TEC: variants seen among roughly 807,000 people sequenced by gnomAD.
TEC encodes tyrosine-protein kinase Tec.
A neutral mutation model predicts 93.0 loss-of-function variants in TEC; 72 were observed. The ratio of observed to expected loss-of-function variants is 0.77; its 90% confidence interval spans 0.64 to 0.94. The LOEUF (loss-of-function observed/expected upper bound fraction) is 0.94, where lower values mean the gene tolerates loss of function less well. TEC is among the 40% of genes least tolerant of loss of function. The pLI, the probability that TEC is intolerant of heterozygous loss-of-function variation, is 0.00. For missense variants in TEC, 630 were observed against 757.9 expected (o/e 0.83, Z 1.98); for synonymous variants, 249 against 247.7 (o/e 1.01, Z -0.05).
chr4:48,205,610 G>A (rs550925385), intron 2 of TEC, among the ~76,000 whole-genome samples: 80 of 152,194 alleles, frequency 5.3e-4, no homozygotes, highest in African/African-American at 1.8e-3. Context: ...GTTGCTCAAT[G>A]GTATTAGCCA....
At chr4:48,251,124 A>G (rs1724187773) in intron 1 of TEC, among the ~76,000 whole-genome samples, 1 of 152,154 alleles carries the variant, frequency 6.6e-6, no homozygotes, top group African/African-American at 2.4e-5. Flanking sequence ...CGCCTACCCA[A>G]TGCACTTAAA....
chr4:48,210,934 A>G (rs1299218901), intron 2 of TEC, among the ~76,000 whole-genome samples: 8 of 152,224 alleles, frequency 5.3e-5, no homozygotes, highest in South Asian at 4.1e-4. Flanking sequence ...TACCTTATGT[A>G]TATAATAATA....
At chr4:48,263,646 G>A (rs1376974779) in intron 1 of TEC, among the ~76,000 whole-genome samples, 1 of 151,976 alleles carries the variant, frequency 6.6e-6, no homozygotes, top group East Asian at 1.9e-4. Flanking sequence ...CCCAGGAGCT[G>A]AGATCATGCC....
chr4:48,157,905 C>A (rs1720468785), intron 8 of TEC, among the ~76,000 whole-genome samples: 1 of 152,202 alleles, frequency 6.6e-6, no homozygotes, highest in African/African-American at 2.4e-5. Flanking sequence ...TCTCTACTTT[C>A]CCCAGCATAA....
chr4:48,213,002 T>C (rs2664038), intron 2 of TEC, among the ~76,000 whole-genome samples: 95,131 of 152,074 alleles, frequency 0.63, 29,906 homozygotes, highest in Admixed American at 0.68. Flanking sequence ...AAATAAAAGA[T>C]ACTTCTACCA....
At chr4:48,261,138 C>T (rs1422618385) in intron 1 of TEC, among the ~76,000 whole-genome samples, 1 of 152,106 alleles carries the variant, frequency 6.6e-6, no homozygotes, top group East Asian at 1.9e-4. Flanking sequence ...GCTAGGACTC[C>T]AGAACTTATG....
At chr4:48,151,018 T>G in intron 9 of TEC, 76 bp from the exon 10 acceptor site, 1 of 922,824 alleles carries the variant, frequency 1.1e-6, no homozygotes, top group Non-Finnish European at 1.6e-6. Flanking sequence ...CTAAAGAACC[T>G]AATATTATAA....
rs894500072 is a variant in TEC, at chr4:48,171,400, C to T, written c.293G>A (p.Ser98Asn). 1.2e-6 allele frequency: 2 copies of T among 1,613,724 alleles called. No individual in the cohort carries two copies. The highest frequency in any genetic ancestry group is 2.2e-5 in the East Asian group (1 of 44,848). Residue 98 changes from serine (S) to asparagine (N), a missense_variant, in exon 4 of 18, where the codon AGC (serine) becomes AAC (asparagine). Physicochemically the swap from Ser to Asn is conservative, Grantham distance 46 (BLOSUM62 1). Around this residue, in one of 3 missense-constraint regions of TEC, gnomAD observed 335 missense variants for 351.5 expected, o/e 0.95. Coordinates refer to ENST00000381501, the MANE Select transcript of TEC (RefSeq NM_003215.3). ...TLYIFAPSPQ[S>N]RDLWVKKLKE... ...TAACTTCTTCACCCACAGGTCCCTG[C>T]TTTGTGGACTAGGTGCAAAAATGTA...
intron 1 of TEC, among the ~76,000 whole-genome samples, chr4:48,232,055 AAGGCAGG>A (rs1214180923): frequency 1.3e-5 from 2 of 152,120 alleles, no homozygotes; most frequent in Non-Finnish European, 2.9e-5. Flanking sequence ...TTGGGAGACC[AAGGCAGG>A]AGGATCACTT....
At chr4:48,236,774 A>G (rs1373240981) in intron 1 of TEC, among the ~76,000 whole-genome samples, 1 of 152,230 alleles carries the variant, frequency 6.6e-6, no homozygotes, top group East Asian at 1.9e-4. Context: ...CACCGGTGAG[A>G]AACACAAACC....
chr4:48,212,098 C>CA (rs59441112), intron 2 of TEC, among the ~76,000 whole-genome samples: 3,784 of 86,424 alleles, frequency 0.044, 138 homozygotes, highest in Non-Finnish European at 0.057. Flanking sequence ...GACTCTGTCT[C>CA]AAAAAAAAAA....
intron 2 of TEC, among the ~76,000 whole-genome samples, chr4:48,197,899 C>A (rs1446643129): frequency 6.6e-6 from 1 of 152,128 alleles, no homozygotes; most frequent in Non-Finnish European, 1.5e-5. Context: ...CCCACTTTAT[C>A]GAAGCTTCCC....
intron 2 of TEC, among the ~76,000 whole-genome samples, chr4:48,183,463 C>G (rs907546948): frequency 6.6e-6 from 1 of 152,208 alleles, no homozygotes; most frequent in Non-Finnish European, 1.5e-5. Context: ...GAAGATCCAC[C>G]TCTGCCATCG....
chr4:48,241,458 T>A (rs1254546600), intron 1 of TEC, among the ~76,000 whole-genome samples: 1 of 152,140 alleles, frequency 6.6e-6, no homozygotes, highest in Non-Finnish European at 1.5e-5. Flanking sequence ...AGGAGAGAAA[T>A]CACATACAGT....
intron 1 of TEC, among the ~76,000 whole-genome samples, chr4:48,262,997 G>A (rs1424160745): frequency 6.6e-6 from 1 of 152,166 alleles, no homozygotes; most frequent in Admixed American, 6.5e-5. Context: ...CATCATGTGT[G>A]TAACCATAAA....
intron 2 of TEC, among the ~76,000 whole-genome samples, chr4:48,226,715 G>A (rs183591602): frequency 6.6e-6 from 1 of 152,118 alleles, no homozygotes; most frequent in East Asian, 1.9e-4. Context: ...GTTTGCGGGG[G>A]GAGTCAAAAG....
intron 17 of TEC, 98 bp downstream of exon 17, chr4:48,138,567 G>T: frequency 7.3e-7 from 1 of 1,377,336 alleles, no homozygotes. Flanking sequence ...TCACTATAAA[G>T]ATGCACCACC....
intron 2 of TEC, among the ~76,000 whole-genome samples, chr4:48,210,487 T>TAAA (rs576347308): frequency 6.8e-6 from 1 of 147,344 alleles, no homozygotes; most frequent in African/African-American, 2.5e-5. Flanking sequence ...TGCCTCTTTA[T>TAAA]AAAAAAAATG....
chr4:48,176,959 G>A (rs1721357687), intron 2 of TEC, among the ~76,000 whole-genome samples: 1 of 152,200 alleles, frequency 6.6e-6, no homozygotes, highest in Non-Finnish European at 1.5e-5. Flanking sequence ...AGAATTGAGA[G>A]TTATGTGAGG....
Sources: gnomAD v4.1 joint callset for allele counts (sites outside exome capture counted in the v4.1 genomes callset) on GRCh38, gnomAD v4.1.1 for gene constraint, gnomAD v4.1.1 regional missense constraint, MANE v1.5 for transcripts, NCBI Gene and HGNC (gene_info 2026-07-23, HGNC 2026-07-21) for gene names.